KHDRBS2: variants seen among roughly 807,000 people sequenced by gnomAD.
The protein encoded by KHDRBS2 is KH RNA binding domain containing, signal transduction associated 2.
In KHDRBS2, 26 loss-of-function variants were observed where a neutral mutation model predicts 44.3. That is an observed-to-expected ratio of 0.59 (90% confidence interval 0.43 to 0.81). KHDRBS2 has a LOEUF of 0.81. KHDRBS2 is among the 40% of genes least tolerant of loss of function. The probability of loss-of-function intolerance (pLI) is 0.00; values close to 1 mark genes in which losing one functional copy is unlikely to be tolerated. For missense variants in KHDRBS2, 476 were observed against 433.1 expected (o/e 1.10, Z -0.88); for synonymous variants, 194 against 151.1 (o/e 1.28, Z -2.08).
intron 3 of KHDRBS2, among the ~76,000 whole-genome samples, chr6:62,032,980 GAATTCAGA>G (rs1379075385): frequency 6.6e-6 from 1 of 151,822 alleles, no homozygotes; most frequent in African/African-American, 2.4e-5. Context: ...CACAGAAAAG[GAATTCAGA>G]ATTCTATTAG....
chr6:62,008,610 C>T (rs1294596743), intron 3 of KHDRBS2, among the ~76,000 whole-genome samples: 1 of 152,054 alleles, frequency 6.6e-6, no homozygotes, highest in Non-Finnish European at 1.5e-5. Context: ...GCTCTGTGTC[C>T]CCATGCACAT....
At chr6:62,103,333 T>C (rs116726217) in intron 2 of KHDRBS2, among the ~76,000 whole-genome samples, 246 of 152,262 alleles carry the variant, frequency 1.6e-3, no homozygotes, top group South Asian at 2.3e-3. Flanking sequence ...TTCAGCCCCC[T>C]GGCCTGTCGC....
the KHDRBS2 span, among the ~76,000 whole-genome samples, chr6:61,565,213 A>G: frequency 1.3e-5 from 2 of 152,070 alleles, no homozygotes; most frequent in Non-Finnish European, 2.9e-5. Context: ...CCATGAAACT[A>G]TGAGAAGAAA....
chr6:61,610,066 C>T, the KHDRBS2 span, among the ~76,000 whole-genome samples: 1 of 151,986 alleles, frequency 6.6e-6, no homozygotes, highest in African/African-American at 2.4e-5. Context: ...GTCCCAGCTA[C>T]TCGGGAGGCT....
intron 3 of KHDRBS2, among the ~76,000 whole-genome samples, chr6:62,018,133 T>C (rs975375851): frequency 6.6e-6 from 1 of 151,226 alleles, no homozygotes; most frequent in African/African-American, 2.4e-5. Context: ...TTACCATTTC[T>C]GCTATAAATA....
intron 4 of KHDRBS2, among the ~76,000 whole-genome samples, chr6:61,977,792 T>C (rs1399421283): frequency 1.3e-5 from 2 of 152,184 alleles, no homozygotes; most frequent in Non-Finnish European, 2.9e-5. Flanking sequence ...TTTCTGTTTA[T>C]AAACATGTCT....
At chr6:61,707,367 A>T (rs1216676432) in intron 7 of KHDRBS2, among the ~76,000 whole-genome samples, 1 of 151,782 alleles carries the variant, frequency 6.6e-6, no homozygotes, top group Non-Finnish European at 1.5e-5. Flanking sequence ...CATCAGGTCC[A>T]TTCCTAAGCC....
chr6:61,976,719 A>G (rs962941501), intron 4 of KHDRBS2, among the ~76,000 whole-genome samples: 9 of 152,132 alleles, frequency 5.9e-5, no homozygotes, highest in African/African-American at 2.2e-4. Context: ...AAATGACTTG[A>G]AGTCATGTAG....
chr6:61,670,490 A>G, the KHDRBS2 span, among the ~76,000 whole-genome samples: 2 of 151,662 alleles, frequency 1.3e-5, no homozygotes, highest in East Asian at 2.0e-4. Context: ...ACCCCTAACA[A>G]GAAAGTTAAA....
chr6:62,115,280 A>G (rs1006114887), intron 2 of KHDRBS2, among the ~76,000 whole-genome samples: 11 of 152,174 alleles, frequency 7.2e-5, no homozygotes, highest in African/African-American at 2.4e-4. Context: ...CCAAAAAATA[A>G]CATGCTTATA....
intron 1 of KHDRBS2, among the ~76,000 whole-genome samples, chr6:62,199,583 G>T (rs538058764): frequency 6.6e-6 from 1 of 152,280 alleles, no homozygotes; most frequent in South Asian, 2.1e-4. Context: ...TGAAATAAAA[G>T]AGGATATAAA....
intron 4 of KHDRBS2, among the ~76,000 whole-genome samples, chr6:61,955,031 T>C (rs9453721): frequency 0.34 from 47,644 of 140,512 alleles, 8,500 homozygotes; most frequent in Middle Eastern, 0.5. Flanking sequence ...CATACATATA[T>C]ACATACATGT....
chr6:62,144,403 T>C (rs1464105867), intron 2 of KHDRBS2, among the ~76,000 whole-genome samples: 1 of 151,986 alleles, frequency 6.6e-6, no homozygotes, highest in Non-Finnish European at 1.5e-5. Context: ...ATAGGCAGTT[T>C]CCCACATTTA....
the KHDRBS2 span, among the ~76,000 whole-genome samples, chr6:61,618,355 A>G: frequency 6.6e-6 from 1 of 152,148 alleles, no homozygotes; most frequent in Non-Finnish European, 1.5e-5. Flanking sequence ...CCAATTTTAG[A>G]TTGATTATAA....
chr6:61,866,395 G>A lies in KHDRBS2; in HGVS notation c.810+28240C>T, dbSNP rs1797809190. On this transcript the variant is annotated intron_variant, in intron 6 of 8. Coordinates refer to ENST00000281156, the MANE Select transcript of KHDRBS2 (RefSeq NM_152688.4). ...CCGAGCTCTATGTCGGCCCCTTTCA[G>A]CCATGGTTGGAGCAGCTCGGATGCA... Among the ~76,000 whole-genome samples the A allele has an allele frequency of 2.0e-5, 3 of 152,330 alleles. No homozygotes were observed. In the South Asian group the frequency reaches 6.2e-4, roughly 32 times the overall value.
chr6:61,759,913 G>T (rs1779030648), intron 6 of KHDRBS2, among the ~76,000 whole-genome samples: 1 of 152,068 alleles, frequency 6.6e-6, no homozygotes, highest in Non-Finnish European at 1.5e-5. Flanking sequence ...TTTTAAGCCT[G>T]GCCAGACTTT....
chr6:61,820,434 A>T (rs1789716209), intron 6 of KHDRBS2, among the ~76,000 whole-genome samples: 1 of 152,054 alleles, frequency 6.6e-6, no homozygotes, highest in Non-Finnish European at 1.5e-5. Flanking sequence ...TAGAGATATT[A>T]TAGAGAAGAT....
At chr6:61,914,312 T>TC (rs1384711758) in intron 4 of KHDRBS2, among the ~76,000 whole-genome samples, 3 of 152,096 alleles carry the variant, frequency 2.0e-5, no homozygotes, top group African/African-American at 7.2e-5. Context: ...TGTAGTGCCA[T>TC]CACTGAGCTG....
chr6:61,992,724 T>A lies in KHDRBS2; in HGVS notation c.337-14512A>T, dbSNP rs140364004. Among the ~76,000 whole-genome samples the A allele has an allele frequency of 2.3e-3, 345 of 152,318 alleles. 1 individual carries two copies. Among genetic ancestry groups the A allele is most frequent in the African/African-American group, 7.6e-3 (315 of 41,582 alleles). On this transcript the variant is annotated intron_variant, in intron 3 of 8. Coordinates refer to ENST00000281156, the MANE Select transcript of KHDRBS2 (RefSeq NM_152688.4). Reference sequence around the variant, plus strand: ...AGAACATGTATAATCTCTACACACATTTGTATTAATCATTTTAATCAAAGA... The same window carrying A: ...AGAACATGTATAATCTCTACACACAATTGTATTAATCATTTTAATCAAAGA...
Sources: gnomAD v4.1 joint callset for allele counts (sites outside exome capture counted in the v4.1 genomes callset) on GRCh38, gnomAD v4.1.1 for gene constraint, MANE v1.5 for transcripts, NCBI Gene and HGNC (gene_info 2026-07-23, HGNC 2026-07-21) for gene names.